WDR19: variants seen among roughly 807,000 people sequenced by gnomAD.
WDR19 encodes WD repeat-containing protein 19.
WDR19 carries 121 observed loss-of-function variants against 180.0 expected under a neutral mutation model. That is an observed-to-expected ratio of 0.67 (90% CI 0.58 to 0.78). WDR19 has a LOEUF of 0.78. Among genes scored for constraint, WDR19 ranks in the 30% least tolerant of loss-of-function variants. The pLI, the probability that WDR19 is intolerant of heterozygous loss-of-function variation, is 0.00. For missense variants in WDR19, 1,450 were observed against 1,640.7 expected (o/e 0.88, Z 2.01); for synonymous variants, 497 against 540.7 (o/e 0.92, Z 1.12).
intron 21 of WDR19, among the ~76,000 whole-genome samples, chr4:39,241,346 AGCCAGCC>A (rs1226150009): frequency 6.6e-6 from 1 of 152,144 alleles, no homozygotes; most frequent in Non-Finnish European, 1.5e-5. Flanking sequence ...TACAAAAATT[AGCCAGCC>A]GTGATGACGG....
At chr4:39,196,317 C>T (rs1048216760) in intron 5 of WDR19, among the ~76,000 whole-genome samples, 16 of 152,198 alleles carry the variant, frequency 1.1e-4, no homozygotes, top group African/African-American at 3.4e-4. Context: ...CTCATACCTC[C>T]AACGCTTACT....
chr4:39,238,003 G>C (rs1226914955), intron 20 of WDR19: 1 of 152,178 alleles, frequency 6.6e-6, no homozygotes, highest in Non-Finnish European at 1.5e-5. Context: ...AAGCCTCTGT[G>C]TTGTTGTTTC....
chr4:39,248,083 T>C (rs895448884), intron 24 of WDR19, among the ~76,000 whole-genome samples: 3 of 152,006 alleles, frequency 2.0e-5, no homozygotes, highest in Non-Finnish European at 2.9e-5. Flanking sequence ...AAGGAAAAAA[T>C]GTTAAGTGCA....
chr4:39,191,997 C>T (rs568193690), intron 4 of WDR19, among the ~76,000 whole-genome samples: 116 of 152,238 alleles, frequency 7.6e-4, no homozygotes, highest in African/African-American at 2.7e-3. Context: ...AGGGTTTCTA[C>T]GGGCCTTATA....
At position 39,244,515 on chromosome 4, in the gene WDR19, G is replaced by C; in HGVS notation, c.2608G>C (p.Asp870His). The C allele has an allele frequency of 6.2e-7, 1 of 1,613,918 alleles. No individual in the cohort carries two copies. The highest frequency in any genetic ancestry group is 8.5e-7 in the Non-Finnish European group (1 of 1,179,880). Residue 870 changes from aspartate (D) to histidine (H), a missense_variant, in exon 23 of 37, where the codon GAT becomes CAT. Asp to His is a moderately conservative substitution (Grantham distance 81, BLOSUM62 -1). Coordinates refer to ENST00000399820, the MANE Select transcript of WDR19 (RefSeq NM_025132.4). ...ACTGTATGAAAAAGGTCTCTACTAC[G>C]ATAAAGCAGCATCTGTTTACATCCG... ...AQLYEKGLYYDKAASVYIRSK... is the reference protein window; with the variant it reads ...AQLYEKGLYYHKAASVYIRSK...
At chr4:39,201,371 A>G (rs1727363633) in intron 6 of WDR19, among the ~76,000 whole-genome samples, 1 of 152,196 alleles carries the variant, frequency 6.6e-6, no homozygotes, top group South Asian at 2.1e-4. Flanking sequence ...GAACCTAGTC[A>G]TGTGGCCAAA....
In WDR19 at chr4:39,185,807, G is replaced by C. The variant is rs776967770; in HGVS notation, c.88G>C (p.Ala30Pro). ...AWQKTSGNYL[A>P]VTGADYIVKI... ...GCAAAAAACATCAGGAAACTACCTT[G>C]CAGTAACAGGGTAAGAAACCAATGA... The change falls in exon 2 of 37, where the codon GCA becomes CCA. Residue 30 changes from alanine (A) to proline (P), a missense_variant. Transcript: ENST00000399820. 1 of 1,551,776 alleles carries C rather than the reference G, an allele frequency of 6.4e-7. No homozygotes were observed. The highest frequency in any genetic ancestry group is 8.7e-7 in the Non-Finnish European group (1 of 1,146,496).
chr4:39,281,085 C>T (rs543690932), intron 36 of WDR19, among the ~76,000 whole-genome samples: 4 of 151,994 alleles, frequency 2.6e-5, no homozygotes, highest in Non-Finnish European at 5.9e-5. Context: ...AAATATCACA[C>T]TCTGTGGCTT....
intron 24 of WDR19, among the ~76,000 whole-genome samples, chr4:39,248,389 T>G (rs1475492127): frequency 6.6e-6 from 1 of 152,212 alleles, no homozygotes; most frequent in East Asian, 1.9e-4. Context: ...TACCAGCCAC[T>G]GCAAAAACAT....
intron 36 of WDR19, among the ~76,000 whole-genome samples, chr4:39,284,972 C>T (rs1737022173): frequency 6.6e-6 from 1 of 151,932 alleles, no homozygotes; most frequent in African/African-American, 2.4e-5. Flanking sequence ...TCACTTGAGC[C>T]CAGGAGCTCA....
rs1489023779 is a variant in WDR19, at chr4:39,244,478, A to G, written c.2571A>G (p.Ser857=). 1.2e-6 allele frequency: 2 copies of G among 1,613,994 alleles called. No homozygotes were observed. Among genetic ancestry groups the G allele is most frequent in the African/African-American group, 1.3e-5 (1 of 75,050 alleles). ...ATCCTGTCTTATTTTAGCAATTTTC[A>G]GAAGCGGCCCAACTGTATGAAAAAG... ...GAILENMKQF[S]EAAQLYEKGL... The change falls in exon 23 of 37, where the codon TCA becomes TCG. Residue 857 remains serine (S), a synonymous_variant. Transcript: ENST00000399820.
intron 28 of WDR19, among the ~76,000 whole-genome samples, chr4:39,265,224 A>G (rs1734674560): frequency 6.6e-6 from 1 of 151,526 alleles, no homozygotes; most frequent in Non-Finnish European, 1.5e-5. Context: ...TGGCCTGGAG[A>G]TGACTTTTAA....
intron 36 of WDR19, among the ~76,000 whole-genome samples, chr4:39,281,437 C>T (rs1397556275): frequency 1.9e-5 from 2 of 107,080 alleles, no homozygotes; most frequent in East Asian, 4.7e-4. Context: ...TTGCCGTTGA[C>T]GTGTTTTTCC....
chr4:39,251,309 G>C (rs956170877), intron 24 of WDR19, among the ~76,000 whole-genome samples: 1 of 152,106 alleles, frequency 6.6e-6, no homozygotes, highest in Non-Finnish European at 1.5e-5. Context: ...TAGCCATATG[G>C]AGAAAGCTGA....
rs1264244974 is a variant in WDR19, at chr4:39,231,972, T to C, written c.2142+16T>C. The C allele has an allele frequency of 1.4e-5, 22 of 1,602,576 alleles. No homozygotes were observed. The highest frequency in any genetic ancestry group is 1.8e-5 in the Non-Finnish European group (21 of 1,171,112). ...ACAAATAAAGGTAAACAGCATGTTA[T>C]AGAATTATCAAGTTAAAATTTAAAT... On this transcript the variant is annotated intron_variant, in intron 18 of 36. Transcript: ENST00000399820.
At chr4:39,264,905 C>T (rs543730504) in intron 28 of WDR19, among the ~76,000 whole-genome samples, 10 of 140,284 alleles carry the variant, frequency 7.1e-5, no homozygotes, top group Non-Finnish European at 1.2e-4. Flanking sequence ...ATTTAACTCG[C>T]CTTTATGGAG....
chr4:39,183,121 C>T (rs1448242447), intron 1 of WDR19, among the ~76,000 whole-genome samples: 1 of 152,180 alleles, frequency 6.6e-6, no homozygotes, highest in African/African-American at 2.4e-5. Context: ...CACCCGAAAA[C>T]TCAGGTCTCA....
At chr4:39,275,730 G>T (rs1467384409) in intron 33 of WDR19, among the ~76,000 whole-genome samples, 1 of 152,206 alleles carries the variant, frequency 6.6e-6, no homozygotes. Flanking sequence ...AGGCTGCTAA[G>T]TGGAAACAAA....
At chr4:39,200,853 G>A (rs1727293804) in intron 6 of WDR19, among the ~76,000 whole-genome samples, 1 of 152,128 alleles carries the variant, frequency 6.6e-6, no homozygotes, top group African/African-American at 2.4e-5. Context: ...GAAGACATTA[G>A]TAATATTATA....
Sources: gnomAD v4.1 joint callset for allele counts (sites outside exome capture counted in the v4.1 genomes callset) on GRCh38, gnomAD v4.1.1 for gene constraint, MANE v1.5 for transcripts, NCBI Gene and HGNC (gene_info 2026-07-23, HGNC 2026-07-21) for gene names.